The following ATXN8OS variants were observed in gnomAD, a reference collection of about 807,000 sequenced individuals.
The protein encoded by ATXN8OS is ATXN8 opposite strand (non-protein coding).
chr13:70,132,522 C>T (rs1888548468), intron 3 of ATXN8OS, among the ~76,000 whole-genome samples: 1 of 151,942 alleles, frequency 6.6e-6, no homozygotes, highest in East Asian at 1.9e-4. Context: ...CTACGCTCAC[C>T]TCCTGGGTTA....
chr13:70,156,731 T>A (rs1888942366), intron 4 of ATXN8OS, among the ~76,000 whole-genome samples: 2 of 152,268 alleles, frequency 1.3e-5, no homozygotes, highest in South Asian at 4.1e-4. Flanking sequence ...TCCTGATAAG[T>A]GAAGCATCAT....
chr13:70,162,612 G>GCAGAT (rs923458483), intron 4 of ATXN8OS, among the ~76,000 whole-genome samples: 19 of 152,006 alleles, frequency 1.2e-4, no homozygotes, highest in African/African-American at 4.6e-4. Flanking sequence ...AACTGTCTTT[G>GCAGAT]CAGATCCTGT....
chr13:70,147,635 A>C (rs931565589), intron 4 of ATXN8OS, among the ~76,000 whole-genome samples: 1 of 152,212 alleles, frequency 6.6e-6, no homozygotes, highest in African/African-American at 2.4e-5. Context: ...TAAAGATGTC[A>C]TTAATCCAGA....
At chr13:70,140,246 C>G (rs987956363) in intron 3 of ATXN8OS, among the ~76,000 whole-genome samples, 1 of 151,736 alleles carries the variant, frequency 6.6e-6, no homozygotes, top group African/African-American at 2.4e-5. Context: ...CAAAGTGTTC[C>G]TCTGTCAACA....
intron 4 of ATXN8OS, among the ~76,000 whole-genome samples, chr13:70,155,885 T>C (rs1888929655): frequency 6.6e-6 from 1 of 152,144 alleles, no homozygotes; most frequent in Non-Finnish European, 1.5e-5. Context: ...TTTTATTTCT[T>C]GCTACTCCTC....
chr13:70,108,386 A>G (rs937064679), intron 1 of ATXN8OS: 6 of 176,638 alleles, frequency 3.4e-5, no homozygotes, highest in Non-Finnish European at 7.1e-5. Flanking sequence ...AAAAATAGAT[A>G]TTCTAGCGCA....
chr13:70,139,235 A>C (rs898051734), intron 3 of ATXN8OS: 7 of 451,306 alleles, frequency 1.6e-5, no homozygotes, highest in African/African-American at 1.2e-4. Flanking sequence ...TTGTCCTTGC[A>C]TTCAGATTGC....
At chr13:70,166,259 C>T (rs1889073991) in intron 4 of ATXN8OS, among the ~76,000 whole-genome samples, 1 of 152,054 alleles carries the variant, frequency 6.6e-6, no homozygotes, top group Non-Finnish European at 1.5e-5. Context: ...TACCTGACTT[C>T]AAGCTATACT....
chr13:70,147,488 C>A (rs1164577639), intron 4 of ATXN8OS, among the ~76,000 whole-genome samples: 6 of 152,096 alleles, frequency 3.9e-5, no homozygotes, highest in African/African-American at 1.4e-4. Flanking sequence ...TTCTTCACTG[C>A]CAATCCTGTT....
chr13:70,162,252 A>G (rs966951691), intron 4 of ATXN8OS, among the ~76,000 whole-genome samples: 2 of 152,098 alleles, frequency 1.3e-5, no homozygotes, highest in African/African-American at 4.8e-5. Context: ...GACAGTTAAA[A>G]ATAAACAGAC....
chr13:70,170,470 G>A (rs1889132488), exon 5 of ATXN8OS, among the ~76,000 whole-genome samples: 1 of 152,064 alleles, frequency 6.6e-6, no homozygotes, highest in Admixed American at 6.6e-5. Flanking sequence ...TCTGCTTTGG[G>A]AGCAGGGAAT....
At chr13:70,151,181 T>A (rs537568785) in intron 4 of ATXN8OS, among the ~76,000 whole-genome samples, 1 of 152,222 alleles carries the variant, frequency 6.6e-6, no homozygotes, top group South Asian at 2.1e-4. Flanking sequence ...CACTTTTAAA[T>A]TTTTCAGTGC....
chr13:70,115,356 A>T, intron 2 of ATXN8OS: 1 of 397,638 alleles, frequency 2.5e-6, no homozygotes, highest in Non-Finnish European at 4.4e-6. Flanking sequence ...CTCATGACAG[A>T]AACACCTCCC....
chr13:70,147,125 A>G (rs926734443), intron 3 of ATXN8OS, among the ~76,000 whole-genome samples: 1 of 152,196 alleles, frequency 6.6e-6, no homozygotes, highest in Non-Finnish European at 1.5e-5. Flanking sequence ...AAGCAAGTCA[A>G]AATACAATGT....
At chr13:70,115,595 G>T (rs1371332901) in intron 2 of ATXN8OS, among the ~76,000 whole-genome samples, 1 of 152,076 alleles carries the variant, frequency 6.6e-6, no homozygotes, top group African/African-American at 2.4e-5. Context: ...AGACTAGGAT[G>T]GTTCTGCAGG....
intron 3 of ATXN8OS, among the ~76,000 whole-genome samples, chr13:70,147,108 T>C (rs560534358): frequency 1.3e-5 from 2 of 152,098 alleles, no homozygotes; most frequent in South Asian, 4.1e-4. Context: ...TCCAAAAGAG[T>C]GAAAATAAGC....
chr13:70,129,898 A>G (rs557852015), intron 3 of ATXN8OS: 2 of 398,442 alleles, frequency 5.0e-6, no homozygotes, highest in Non-Finnish European at 8.9e-6. Flanking sequence ...AAAACATCAA[A>G]AGGTTGTACT....
intron 1 of ATXN8OS, among the ~76,000 whole-genome samples, chr13:70,112,549 A>T (rs984108486): frequency 2.0e-5 from 3 of 152,164 alleles, no homozygotes; most frequent in African/African-American, 7.2e-5. Context: ...CAGTATAGTT[A>T]TAGTTTACTT....
intron 3 of ATXN8OS, among the ~76,000 whole-genome samples, chr13:70,146,863 A>G (rs959189504): frequency 6.6e-6 from 1 of 152,212 alleles, no homozygotes; most frequent in Admixed American, 6.5e-5. Flanking sequence ...ATGTATACAT[A>G]TGTAACTAAC....
Sources: allele counts gnomAD v4.1 joint callset (sites outside exome capture counted in the v4.1 genomes callset), GRCh38; gene constraint gnomAD v4.1.1; transcripts MANE v1.5; gene names NCBI Gene and HGNC (gene_info 2026-07-23, HGNC 2026-07-21).